The following SPINK5 variants were observed in gnomAD, a reference collection of about 807,000 sequenced individuals.
SPINK5 encodes the protein serine protease inhibitor Kazal-type 5.
In SPINK5, 125 loss-of-function variants were observed where a neutral mutation model predicts 151.8. That is an observed-to-expected ratio of 0.82 (90% confidence interval 0.71 to 0.96). The LOEUF (loss-of-function observed/expected upper bound fraction) is 0.96, where lower values mean the gene tolerates loss of function less well. SPINK5 is among the 40% of genes least tolerant of loss of function. The pLI, the probability that SPINK5 is intolerant of heterozygous loss-of-function variation, is 0.00. For missense variants in SPINK5, 1,194 were observed against 1,291.9 expected (o/e 0.92, Z 1.16); for synonymous variants, 374 against 395.3 (o/e 0.95, Z 0.64).
intron 4 of SPINK5, among the ~76,000 whole-genome samples, chr5:148,076,855 T>A (rs1752895379): frequency 6.6e-6 from 1 of 151,572 alleles, no homozygotes; most frequent in Non-Finnish European, 1.5e-5. Flanking sequence ...CAGAAGCAGA[T>A]TTGTGAATCC....
At position 148,081,136 on chromosome 5, in the gene SPINK5, G is replaced by A. The variant is rs151105876; in HGVS notation, c.283-5269G>A. On this transcript the variant is annotated intron_variant, in intron 4 of 32. Transcript: ENST00000256084. ...ACAGAAAATGCAAAATGTTAAGGGTGTGGAGAAACTGGAACACATATAGTC... is the reference window on the plus strand; with the variant it reads ...ACAGAAAATGCAAAATGTTAAGGGTATGGAGAAACTGGAACACATATAGTC... 5.3e-5 allele frequency among the ~76,000 whole-genome samples: 8 copies of A among 151,744 alleles called. No individual in the cohort carries two copies. The East Asian group carries it at 1.6e-3, about 30-fold the overall frequency.
rs1266431975 is a variant in SPINK5 at position 148,111,823 on chromosome 5, G to A, written c.1748G>A (p.Arg583Lys). ...YVRNGRLPCT[R>K]ENDPIEGLDG... ...AGGAATGGACGACTCCCCTGTACCA[G>A]AGAGAATGATCCTATTGAGGGTCTA... Residue 583 changes from arginine (R) to lysine (K), a missense_variant, in exon 19 of 33, where the codon AGA becomes AAA. Transcript: ENST00000256084. 1 of 1,613,948 alleles carries A rather than the reference G, an allele frequency of 6.2e-7. No individual in the cohort carries two copies. Among genetic ancestry groups the A allele is most frequent in the Non-Finnish European group, 8.5e-7 (1 of 1,179,972 alleles).
intron 2 of SPINK5, among the ~76,000 whole-genome samples, chr5:148,067,889 C>T (rs1425092927): frequency 6.6e-6 from 1 of 152,082 alleles, no homozygotes; most frequent in Non-Finnish European, 1.5e-5. Flanking sequence ...TGCTGAGTTA[C>T]AGCCATGAGC....
chr5:148,091,734 A>G (rs1467775775), intron 8 of SPINK5, among the ~76,000 whole-genome samples: 2 of 151,452 alleles, frequency 1.3e-5, no homozygotes, highest in Admixed American at 6.6e-5. Flanking sequence ...TTCTGTTCAG[A>G]AAAACCTGCA....
rs550421276 is a variant in SPINK5 at position 148,073,374 on chromosome 5, C to G, written c.282+1154C>G. On this transcript the variant is annotated intron_variant, in intron 4 of 32. Coordinates refer to ENST00000256084, the MANE Select transcript of SPINK5 (RefSeq NM_006846.4). ...TTATTTGCCTGGGCTCAACCAGTCTCACTTTTAAAACAATAACAGACACCA... is the reference window on the plus strand; with the variant it reads ...TTATTTGCCTGGGCTCAACCAGTCTGACTTTTAAAACAATAACAGACACCA... Among the ~76,000 whole-genome samples the G allele has an allele frequency of 9.9e-4, 150 of 151,998 alleles. 1 individual carries two copies. Among genetic ancestry groups the G allele is most frequent in the East Asian group, 3.9e-4 (2 of 5,138 alleles).
intron 21 of SPINK5, among the ~76,000 whole-genome samples, chr5:148,115,491 G>A (rs1396986832): frequency 1.3e-5 from 2 of 152,150 alleles, no homozygotes; most frequent in African/African-American, 2.4e-5. Context: ...TCATGTAGAG[G>A]GAGGAGCTGC....
At chr5:148,089,095 T>C in intron 6 of SPINK5, 1 of 462,146 alleles carries the variant, frequency 2.2e-6, no homozygotes, top group South Asian at 1.5e-5. Context: ...TTTTTCCAGG[T>C]GAATGATTTT....
Position 148,104,829 on chromosome 5 carries a change from G to A in SPINK5, c.1431-123G>A, listed in dbSNP as rs1263860204. On this transcript the variant is annotated intron_variant, in intron 15 of 32. Transcript: ENST00000256084. ...GAGAATTGCTTGAACCCGGGAGGTG[G>A]AGGTTGCAGTGAGCCGAGATCGCGC... 6.5e-6 allele frequency: 5 copies of A among 766,132 alleles called. No homozygotes were observed. The African/African-American group carries it at 7.2e-5, about 11-fold the overall frequency. 47.5% of individuals were successfully genotyped at this position (766,132 alleles called of 1,614,324 possible).
At chr5:148,079,642 A>G (rs1752968435) in intron 4 of SPINK5, among the ~76,000 whole-genome samples, 1 of 151,290 alleles carries the variant, frequency 6.6e-6, no homozygotes, top group Non-Finnish European at 1.5e-5. Flanking sequence ...AACAGAATAA[A>G]GGGCAAAACC....
chr5:148,099,133 T>C, intron 11 of SPINK5, 101 bp from the exon 12 acceptor site: 1 of 1,083,396 alleles, frequency 9.2e-7, no homozygotes, highest in Admixed American at 2.1e-5. Flanking sequence ...ACAAAATTGT[T>C]CCACTCTAAG....
At chr5:148,083,390 AG>A (rs1753072093) in intron 4 of SPINK5, among the ~76,000 whole-genome samples, 1 of 151,294 alleles carries the variant, frequency 6.6e-6, no homozygotes, top group South Asian at 2.1e-4. Context: ...CTTAATTTGT[AG>A]GTTTAGCACA....
At chr5:148,081,204 G>A (rs1445624090) in intron 4 of SPINK5, among the ~76,000 whole-genome samples, 1 of 151,596 alleles carries the variant, frequency 6.6e-6, no homozygotes, top group Non-Finnish European at 1.5e-5. Flanking sequence ...TTGGAACACA[G>A]TTTGAGAACT....
intron 28 of SPINK5, 97 bp from the exon 29 acceptor site, chr5:148,125,626 C>G: frequency 2.5e-6 from 4 of 1,614,086 alleles, no homozygotes; most frequent in Non-Finnish European, 3.4e-6. Context: ...GAGTCTGAGC[C>G]CAGAGCTAAG....
intron 27 of SPINK5, 75 bp from the exon 28 acceptor site, chr5:148,124,690 G>T: frequency 5.9e-6 from 7 of 1,191,300 alleles, no homozygotes; most frequent in Non-Finnish European, 8.0e-6. Context: ...TAGAATCGCA[G>T]AAATACTTGG....
intron 30 of SPINK5, among the ~76,000 whole-genome samples, chr5:148,130,325 A>C (rs993557535): frequency 6.6e-6 from 1 of 151,830 alleles, no homozygotes; most frequent in Non-Finnish European, 1.5e-5. Flanking sequence ...TTTACTTATA[A>C]ATATATTTCT....
chr5:148,072,097 A>C (rs1752753337), intron 3 of SPINK5, 51 bp from the exon 4 acceptor site: 1 of 1,559,790 alleles, frequency 6.4e-7, no homozygotes, highest in Non-Finnish European at 8.8e-7. Context: ...TGTTATTGTT[A>C]AAAGTTGAGC....
intron 24 of SPINK5, 144 bp downstream of exon 24, chr5:148,119,202 C>T (rs1754186705): frequency 2.8e-6 from 2 of 725,344 alleles, no homozygotes. Flanking sequence ...CAGTGACTCT[C>T]ACTGATAACT....
intron 7 of SPINK5, 91 bp from the exon 8 acceptor site, chr5:148,091,074 G>A (rs1022282068): frequency 1.7e-4 from 177 of 1,062,506 alleles, no homozygotes; most frequent in South Asian, 2.8e-4. Flanking sequence ...GCAATTCGTA[G>A]CAGAGGATAT....
intron 25 of SPINK5, 46 bp downstream of exon 25, chr5:148,120,182 CAA>C (rs746564962): frequency 2.5e-6 from 4 of 1,613,516 alleles, no homozygotes; most frequent in Non-Finnish European, 3.4e-6. Flanking sequence ...TCTTAAAGTA[CAA>C]TAATCATTTC....
Sources: gnomAD v4.1 joint callset for allele counts (sites outside exome capture counted in the v4.1 genomes callset) on GRCh38, gnomAD v4.1.1 for gene constraint, MANE v1.5 for transcripts, NCBI Gene and HGNC (gene_info 2026-07-23, HGNC 2026-07-21) for gene names.